The following NAALADL2 variants were observed in gnomAD, a reference collection of about 807,000 sequenced individuals.
NAALADL2 encodes the protein N-acetylated alpha-linked acidic dipeptidase like 2.
NAALADL2 carries 76 observed loss-of-function variants against 87.2 expected under a neutral mutation model. The observed-to-expected ratio is 0.87, with a 90% CI of 0.72 to 1.05. The LOEUF is 1.05. Among genes scored for constraint, NAALADL2 ranks in the 50% least tolerant of loss-of-function variants. The probability of loss-of-function intolerance (pLI) is 0.00; values close to 1 mark genes in which losing one functional copy is unlikely to be tolerated. For synonymous variants in NAALADL2, 354 were observed against 331.0 expected (o/e 1.07, Z -0.75); for missense variants, 1,089 against 945.8 (o/e 1.15, Z -1.99).
chr3:175,407,152 C>A (rs1712562247), intron 5 of NAALADL2, among the ~76,000 whole-genome samples: 1 of 152,062 alleles, frequency 6.6e-6, no homozygotes, highest in Non-Finnish European at 1.5e-5. Flanking sequence ...CCACTGCACT[C>A]CAACCTGGGA....
At chr3:174,566,934 C>G (rs946111842) in intron 2 of NAALADL2, among the ~76,000 whole-genome samples, 14 of 151,518 alleles carry the variant, frequency 9.2e-5, no homozygotes, top group East Asian at 3.9e-4. Context: ...TTTTTTCCAA[C>G]TTTAAATTCT....
At chr3:174,750,694 A>G (rs1302989738) in intron 3 of NAALADL2, among the ~76,000 whole-genome samples, 1 of 152,084 alleles carries the variant, frequency 6.6e-6, no homozygotes, top group Non-Finnish European at 1.5e-5. Context: ...TCAGCCTCCC[A>G]AAGTGCTGGA....
In NAALADL2 at chr3:175,328,812, C is replaced by A. The variant is rs141191761; in HGVS notation, c.1090+4487C>A. Among the ~76,000 whole-genome samples, 418 of 151,920 alleles carry A rather than the reference C, an allele frequency of 2.8e-3. 1 individual carries two copies. Among genetic ancestry groups the A allele is most frequent in the Admixed American group, 5.8e-3 (88 of 15,274 alleles). ...CATAAATCAGCTACATAGGGTAAGA[C>A]CCAAAACAAACAGAAAATCAGAAAG... On this transcript the variant is annotated intron_variant, in intron 5 of 13. Coordinates refer to ENST00000454872, the MANE Select transcript of NAALADL2 (RefSeq NM_207015.3).
chr3:174,896,773 T>G (rs963791826), intron 1 of NAALADL2, among the ~76,000 whole-genome samples: 4 of 152,190 alleles, frequency 2.6e-5, no homozygotes, highest in Admixed American at 2.0e-4. Flanking sequence ...GACTTCATAT[T>G]ACGATACAGA....
chr3:174,446,150 T>A (rs2108263110), intron 1 of NAALADL2, among the ~76,000 whole-genome samples: 1 of 152,280 alleles, frequency 6.6e-6, no homozygotes, highest in Middle Eastern at 3.4e-3. Flanking sequence ...ATGTGGTTTC[T>A]AAAAAATTAG....
intron 4 of NAALADL2, among the ~76,000 whole-genome samples, chr3:175,305,476 T>G (rs1016257725): frequency 6.6e-6 from 1 of 152,134 alleles, no homozygotes; most frequent in Non-Finnish European, 1.5e-5. Context: ...GCCTTTAGGT[T>G]TGTTTAGTGC....
At chr3:174,848,104 T>C (rs1724845403) in intron 3 of NAALADL2, among the ~76,000 whole-genome samples, 1 of 152,100 alleles carries the variant, frequency 6.6e-6, no homozygotes, top group African/African-American at 2.4e-5. Flanking sequence ...GCTCTCGCTG[T>C]GATATGCTAT....
intron 3 of NAALADL2, among the ~76,000 whole-genome samples, chr3:174,742,482 C>T (rs1182176738): frequency 6.6e-6 from 1 of 151,490 alleles, no homozygotes; most frequent in Non-Finnish European, 1.5e-5. Context: ...TCATGCCAGA[C>T]CAAAAAAGTC....
At chr3:175,747,643 T>A (rs1013970749) in intron 12 of NAALADL2, among the ~76,000 whole-genome samples, 2 of 152,200 alleles carry the variant, frequency 1.3e-5, no homozygotes, top group African/African-American at 4.8e-5. Context: ...TTAAGCCTTT[T>A]TTTTTTCTTT....
chr3:175,559,684 A>T (rs1715953914), intron 9 of NAALADL2, among the ~76,000 whole-genome samples: 1 of 152,150 alleles, frequency 6.6e-6, no homozygotes, highest in African/African-American at 2.4e-5. Flanking sequence ...TTTCAGCATC[A>T]ATTGAAATGC....
At chr3:175,278,454 A>C (rs929219168) in intron 4 of NAALADL2, among the ~76,000 whole-genome samples, 10 of 152,308 alleles carry the variant, frequency 6.6e-5, no homozygotes, top group African/African-American at 2.4e-4. Flanking sequence ...TTTGAAGTTC[A>C]AAAGAACAAG....
chr3:174,505,991 C>T (rs1719178134), intron 1 of NAALADL2, among the ~76,000 whole-genome samples: 1 of 151,994 alleles, frequency 6.6e-6, no homozygotes, highest in African/African-American at 2.4e-5. Flanking sequence ...GGGTGTATCT[C>T]TGCGTGTGCA....
chr3:175,800,493 T>G (rs1369268628), intron 13 of NAALADL2, among the ~76,000 whole-genome samples: 1 of 152,182 alleles, frequency 6.6e-6, no homozygotes, highest in Non-Finnish European at 1.5e-5. Context: ...AGTTCCCATT[T>G]AAATTTTTCT....
intron 12 of NAALADL2, among the ~76,000 whole-genome samples, chr3:175,752,999 AT>A (rs1746799525): frequency 6.6e-6 from 1 of 152,120 alleles, no homozygotes; most frequent in African/African-American, 2.4e-5. Flanking sequence ...AGGACAAACT[AT>A]TTTCATAAAA....
At chr3:175,307,687 A>G (rs1377564265) in intron 4 of NAALADL2, among the ~76,000 whole-genome samples, 2 of 152,290 alleles carry the variant, frequency 1.3e-5, no homozygotes, top group South Asian at 2.1e-4. Flanking sequence ...TTGCAGTTCA[A>G]TTTCATTTTT....
At chr3:174,539,902 C>T (rs917614479) in intron 1 of NAALADL2, among the ~76,000 whole-genome samples, 7 of 142,858 alleles carry the variant, frequency 4.9e-5, no homozygotes, top group African/African-American at 1.8e-4. Context: ...CTGTCAACCT[C>T]AGAGTTACTG....
chr3:175,794,836 G>A (rs1753258084), intron 13 of NAALADL2, among the ~76,000 whole-genome samples: 1 of 152,170 alleles, frequency 6.6e-6, no homozygotes, highest in African/African-American at 2.4e-5. Context: ...CAGGCTGCCT[G>A]AGACAACATA....
At chr3:175,785,833 T>G (rs1160865498) in intron 13 of NAALADL2, among the ~76,000 whole-genome samples, 4 of 150,892 alleles carry the variant, frequency 2.7e-5, no homozygotes, top group Non-Finnish European at 4.4e-5. Flanking sequence ...GATTTTGCAG[T>G]GGCTGGTACC....
At chr3:175,134,648 A>T (rs1728819248) in intron 2 of NAALADL2, among the ~76,000 whole-genome samples, 1 of 152,188 alleles carries the variant, frequency 6.6e-6, no homozygotes, top group African/African-American at 2.4e-5. Context: ...TTAATAGTTA[A>T]TAAAGCTCTT....
Sources: allele counts gnomAD v4.1 joint callset (sites outside exome capture counted in the v4.1 genomes callset), GRCh38; gene constraint gnomAD v4.1.1; transcripts MANE v1.5; gene names NCBI Gene and HGNC (gene_info 2026-07-23, HGNC 2026-07-21).